Variants in EMC1 observed in about 807,000 individuals in gnomAD.
EMC1 encodes ER membrane protein complex subunit 1.
In EMC1, 103 loss-of-function variants were observed where a neutral mutation model predicts 128.8. That is an observed-to-expected ratio of 0.80 (90% CI 0.68 to 0.94). The LOEUF is 0.94. Among genes scored for constraint, EMC1 ranks in the 40% least tolerant of loss-of-function variants. The probability of loss-of-function intolerance (pLI) is 0.00; values close to 1 mark genes in which losing one functional copy is unlikely to be tolerated. For synonymous variants in EMC1, 442 were observed against 490.4 expected (o/e 0.90, Z 1.30); for missense variants, 1,083 against 1,250.6 (o/e 0.87, Z 2.02).
chr1:19,242,548 C>A, intron 4 of EMC1, 75 bp from the exon 5 acceptor site: 1 of 1,521,436 alleles, frequency 6.6e-7, no homozygotes. Context: ...CAGAACAGTA[C>A]CCACTGTTGC....
intron 17 of EMC1, among the ~76,000 whole-genome samples, chr1:19,228,181 G>T (rs919158154): frequency 2.7e-5 from 4 of 148,932 alleles, no homozygotes; most frequent in Non-Finnish European, 5.9e-5. Flanking sequence ...CTCCAGCCTG[G>T]GCAACAAGAG....
intron 1 of EMC1, among the ~76,000 whole-genome samples, chr1:19,250,751 TACAG>T (rs1448183337): frequency 3.3e-5 from 5 of 152,226 alleles, no homozygotes; most frequent in Non-Finnish European, 7.3e-5. Context: ...AAACCCATTC[TACAG>T]ACAAAGAAAC....
At position 19,219,695 on chromosome 1, in the gene EMC1, C is replaced by G. The variant is rs201239769; in HGVS notation, c.2676G>C (p.Glu892Asp). 3.1e-6 allele frequency: 5 copies of G among 1,614,030 alleles called. No individual in the cohort carries two copies. The highest frequency in any genetic ancestry group is 4.5e-5 in the East Asian group (2 of 44,848). ...CTGGAGAATACGGGATTAAGTTCTCCTCTCTGCAAAACACCAGCCGGGACA... is the reference window on the plus strand; with the variant it reads ...CTGGAGAATACGGGATTAAGTTCTCGTCTCTGCAAAACACCAGCCGGGACA... ...RPEIPTEQSR[E>D]ENLIPYSPDV... Residue 892 changes from glutamate to aspartate, a missense_variant, in exon 22 of 23, where the codon GAG becomes GAC. This residue lies in a region of EMC1 where 527 missense variants were observed against 644.1 expected (regional missense o/e 0.82). Transcript: ENST00000477853.
rs1279325603 is a variant in EMC1, at chr1:19,233,035, C to A, written c.1533G>T (p.Lys511Asn). 1.2e-6 allele frequency: 2 copies of A among 1,614,182 alleles called. No individual in the cohort carries two copies. The highest frequency in any genetic ancestry group is 2.2e-5 in the South Asian group (2 of 91,088). ...HLWKMFYDARKPRSQIKNEIN... is the reference protein window; with the variant it reads ...HLWKMFYDARNPRSQIKNEIN... ...TCTCATTCTTAATCTGACTCCGGGG[C>A]TTCCGAGCATCATAAAACATTTTCC... The change falls in exon 14 of 23, where the codon AAG becomes AAT. Residue 511 changes from lysine to asparagine, a missense_variant. Transcript: ENST00000477853.
Position 19,239,311 on chromosome 1 carries a change from A to G in EMC1, c.955-9T>C, listed in dbSNP as rs780140076. The G allele has an allele frequency of 1.5e-5, 24 of 1,613,894 alleles. 1 individual carries two copies. Among genetic ancestry groups the G allele is most frequent in the Middle Eastern group, 1.7e-4 (1 of 6,044 alleles). Reference sequence around the variant, plus strand: ...AAGCTCACTAGGGCAGTCTGGGGGAAAAGCAAGGCATCAGCTCCTAAATGG... The same window carrying G: ...AAGCTCACTAGGGCAGTCTGGGGGAGAAGCAAGGCATCAGCTCCTAAATGG... On this transcript the variant is annotated splice_polypyrimidine_tract_variant and intron_variant, in intron 8 of 22. Transcript: ENST00000477853.
chr1:19,244,735 A>G (rs760419869), intron 2 of EMC1, 171 bp downstream of exon 2: 45 of 668,454 alleles, frequency 6.7e-5, no homozygotes, highest in Non-Finnish European at 1.0e-4. Flanking sequence ...TTATAGGAAC[A>G]TACAAATATT....
chr1:19,219,380 G>A lies in EMC1; in HGVS notation c.2905C>T (p.Leu969Phe). The A allele has an allele frequency of 6.2e-7, 1 of 1,614,074 alleles. No individual in the cohort carries two copies. Among genetic ancestry groups the A allele is most frequent in the Non-Finnish European group, 8.5e-7 (1 of 1,180,028 alleles). The change falls in exon 23 of 23, where the codon CTC becomes TTC. Residue 969 changes from leucine (L) to phenylalanine (F), a missense_variant. Physicochemically the swap from Leu to Phe is conservative, Grantham distance 22. Coordinates refer to ENST00000477853, the MANE Select transcript of EMC1 (RefSeq NM_015047.3). ...DYDYVLISSV[L>F]FGLVFATMIT... ...ATGGTGGCAAAAACCAGGCCAAAGA[G>A]GACGCTGCTGATTAACACGTAGTCA...
intron 12 of EMC1, among the ~76,000 whole-genome samples, chr1:19,236,882 C>T (rs1382665385): frequency 2.0e-5 from 3 of 147,682 alleles, no homozygotes; most frequent in Admixed American, 1.4e-4. Context: ...GCAGGAGAAT[C>T]GCTTGAATCC....
chr1:19,223,293 T>G, intron 19 of EMC1, 103 bp downstream of exon 19: 6 of 1,084,370 alleles, frequency 5.5e-6, no homozygotes, highest in Non-Finnish European at 8.1e-6. Flanking sequence ...CCAGGGAATT[T>G]GAGATCCTAA....
intron 4 of EMC1, among the ~76,000 whole-genome samples, chr1:19,243,301 T>C (rs1572027661): frequency 1.3e-5 from 2 of 152,184 alleles, no homozygotes; most frequent in Non-Finnish European, 1.5e-5. Context: ...GGCTGTTCTT[T>C]AAACAAAACT....
chr1:19,237,363 A>G (rs115565922), intron 11 of EMC1, 125 bp from the exon 12 acceptor site: 6 of 736,512 alleles, frequency 8.1e-6, no homozygotes, highest in Non-Finnish European at 1.5e-5. Context: ...TGATGTCTAA[A>G]CAATGTAGCT....
At chr1:19,243,799 C>A in intron 3 of EMC1, 92 bp from the exon 4 acceptor site, 1 of 1,470,794 alleles carries the variant, frequency 6.8e-7, no homozygotes, top group Admixed American at 1.7e-5. Context: ...CCTCTGATTT[C>A]TGGATGCAAA....
chr1:19,222,568 T>G (rs559727274), intron 20 of EMC1, 56 bp downstream of exon 20: 1 of 1,495,566 alleles, frequency 6.7e-7, no homozygotes, highest in South Asian at 1.1e-5. Context: ...TGCTCTGTCC[T>G]TAAGTGTGGT....
At chr1:19,238,889 A>G in intron 9 of EMC1, 32 bp from the exon 10 acceptor site, 1 of 1,446,366 alleles carries the variant, frequency 6.9e-7, no homozygotes, top group Non-Finnish European at 9.7e-7. Context: ...GAGAAAATTC[A>G]GCCAAAGGGT....
intron 17 of EMC1, among the ~76,000 whole-genome samples, chr1:19,227,677 G>A (rs1388748630): frequency 6.6e-6 from 1 of 151,604 alleles, no homozygotes; most frequent in Non-Finnish European, 1.5e-5. Context: ...GACCAACCTG[G>A]CCAACATGGC....
intron 17 of EMC1, among the ~76,000 whole-genome samples, chr1:19,228,023 TAGAG>T (rs916903888): frequency 5.3e-5 from 8 of 151,940 alleles, no homozygotes; most frequent in African/African-American, 1.9e-4. Context: ...CTGACCAACA[TAGAG>T]AAACCACATC....
At chr1:19,231,132 C>T (rs1165112128) in intron 16 of EMC1, 129 bp downstream of exon 16, 21 of 1,323,532 alleles carry the variant, frequency 1.6e-5, no homozygotes, top group South Asian at 4.2e-5. Flanking sequence ...CATTTCTCTT[C>T]GGGATGGCCT....
chr1:19,244,174 G>C (rs1367115019), intron 2 of EMC1, among the ~76,000 whole-genome samples, 159 bp from the exon 3 acceptor site: 1 of 152,128 alleles, frequency 6.6e-6, no homozygotes, highest in African/African-American at 2.4e-5. Flanking sequence ...TCCCATTCAC[G>C]GGGTAATGAG....
chr1:19,239,321 A>G lies in EMC1; in HGVS notation c.955-19T>C. ...GGGCAGTCTGGGGGAAAAGCAAGGC[A>G]TCAGCTCCTAAATGGGACCAGTACT... On this transcript the variant is annotated intron_variant, in intron 8 of 22. Coordinates refer to ENST00000477853, the MANE Select transcript of EMC1 (RefSeq NM_015047.3). 6.2e-7 allele frequency: 1 copy of G among 1,612,218 alleles called. No individual in the cohort carries two copies. The highest frequency in any genetic ancestry group is 1.3e-5 in the African/African-American group (1 of 75,022).
Sources: gnomAD v4.1 joint callset for allele counts (sites outside exome capture counted in the v4.1 genomes callset) on GRCh38, gnomAD v4.1.1 for gene constraint, gnomAD v4.1.1 regional missense constraint, MANE v1.5 for transcripts, NCBI Gene and HGNC (gene_info 2026-07-23, HGNC 2026-07-21) for gene names.